Variants in AKAP12 observed in about 807,000 individuals in gnomAD.
AKAP12 encodes the protein A-kinase anchoring protein 12, also known as A-kinase anchor protein 12.
In AKAP12, 32 loss-of-function variants were observed where a neutral mutation model predicts 79.9. The observed-to-expected ratio is 0.40, with a 90% CI of 0.30 to 0.54. The LOEUF is 0.54. AKAP12 is among the 20% of genes least tolerant of loss of function. The pLI is 0.48. For missense variants in AKAP12, 2,074 were observed against 2,177.0 expected (o/e 0.95, Z 0.94); for synonymous variants, 808 against 857.0 (o/e 0.94, Z 1.00).
At chr6:151,355,458 A>T (rs770979213) in intron 4 of AKAP12, among the ~76,000 whole-genome samples, 17 of 152,084 alleles carry the variant, frequency 1.1e-4, no homozygotes, top group Non-Finnish European at 2.2e-4. Context: ...GCATGCCACC[A>T]TGCCCAGCTT....
intron 2 of AKAP12, among the ~76,000 whole-genome samples, chr6:151,245,102 TA>T (rs1370094819): frequency 1.3e-5 from 2 of 152,236 alleles, no homozygotes; most frequent in East Asian, 1.9e-4. Context: ...GTTTTGTTTT[TA>T]AAAATGCTAA....
intron 3 of AKAP12, 82 bp downstream of exon 3, chr6:151,305,985 G>A (rs2114756915): frequency 2.8e-6 from 4 of 1,414,728 alleles, no homozygotes; most frequent in African/African-American, 1.4e-5. Flanking sequence ...CTGTCATACT[G>A]CCTGGTGGTG....
At chr6:151,298,868 G>A (rs1478747349) in intron 2 of AKAP12, 1 of 151,978 alleles carries the variant, frequency 6.6e-6, no homozygotes, top group Non-Finnish European at 1.5e-5. Context: ...TAGCAGTGTA[G>A]GGTTGTATAC....
chr6:151,279,952 AC>A (rs1776365696), intron 2 of AKAP12, among the ~76,000 whole-genome samples: 1 of 152,128 alleles, frequency 6.6e-6, no homozygotes, highest in African/African-American at 2.4e-5. Flanking sequence ...TGCAAATGCC[AC>A]CATATAAGAA....
chr6:151,244,476 T>C (rs905865386), intron 2 of AKAP12, among the ~76,000 whole-genome samples: 9 of 152,118 alleles, frequency 5.9e-5, no homozygotes, highest in African/African-American at 2.2e-4. Context: ...ATGAGCCGAG[T>C]TGGCGCCACT....
At chr6:151,301,752 G>A (rs1776866670) in intron 2 of AKAP12, among the ~76,000 whole-genome samples, 1 of 152,160 alleles carries the variant, frequency 6.6e-6, no homozygotes, top group South Asian at 2.1e-4. Flanking sequence ...CGGGACGCAA[G>A]CTATTCACAT....
Position 151,352,332 on chromosome 6 carries a change from G to A in AKAP12, c.3941G>A (p.Cys1314Tyr), listed in dbSNP as rs1778316334. ...GGTGAAGGGACAGAAGAAGCTGAAT[G>A]TAAAAAGGATGATGCTCTTGAACTG... The part of the protein sequence containing the change: ...LKGEGTEEAE[C>Y]KKDDALELQS... Residue 1314 changes from cysteine (C) to tyrosine (Y), a missense_variant, in exon 4 of 5, where the codon TGT becomes TAT. Transcript: ENST00000402676. 3 of 1,614,184 alleles carry A rather than the reference G, an allele frequency of 1.9e-6. No homozygotes were observed. In the East Asian group the frequency reaches 6.7e-5, roughly 36 times the overall value.
chr6:151,289,577 C>G (rs1223169469), intron 2 of AKAP12, among the ~76,000 whole-genome samples: 1 of 152,038 alleles, frequency 6.6e-6, no homozygotes, highest in African/African-American at 2.4e-5. Flanking sequence ...CCCTTTTTTT[C>G]TCAGTAGAGT....
intron 2 of AKAP12, among the ~76,000 whole-genome samples, chr6:151,245,306 G>T (rs78232802): frequency 2.1e-5 from 3 of 142,288 alleles, no homozygotes; most frequent in African/African-American, 5.0e-5. Flanking sequence ...AAGCCAGTAC[G>T]TTTATCTCTT....
intron 3 of AKAP12, among the ~76,000 whole-genome samples, chr6:151,328,978 A>G (rs1430922682): frequency 6.6e-6 from 1 of 152,178 alleles, no homozygotes; most frequent in Non-Finnish European, 1.5e-5. Context: ...GCTTATTCAC[A>G]TTACATACTG....
At chr6:151,275,314 G>T (rs978504350) in intron 2 of AKAP12, among the ~76,000 whole-genome samples, 19 of 152,094 alleles carry the variant, frequency 1.2e-4, no homozygotes, top group African/African-American at 4.6e-4. Context: ...GCTGGGGCTT[G>T]ATGGTGTCCC....
At chr6:151,246,049 C>T (rs1317176405) in intron 2 of AKAP12, among the ~76,000 whole-genome samples, 2 of 152,160 alleles carry the variant, frequency 1.3e-5, no homozygotes, top group Non-Finnish European at 2.9e-5. Context: ...ACGATTTAAC[C>T]AATTCCTTGG....
Position 151,349,967 on chromosome 6 carries a change from A to G in AKAP12, c.1576A>G (p.Lys526Glu). 6.2e-7 allele frequency: 1 copy of G among 1,614,156 alleles called. No homozygotes were observed. Among genetic ancestry groups the G allele is most frequent in the Non-Finnish European group, 8.5e-7 (1 of 1,180,016 alleles). ...GAAGCTTTTTACCAGCACTGGCTTAAAAAAGCTTTCTGGAAAGAAACAGAA... is the reference window on the plus strand; with the variant it reads ...GAAGCTTTTTACCAGCACTGGCTTAGAAAAGCTTTCTGGAAAGAAACAGAA... ...LKKLFTSTGL[K>E]KLSGKKQKGK... The change falls in exon 4 of 5, where the codon AAA becomes GAA. Residue 526 changes from lysine (K) to glutamate (E), a missense_variant. Lys to Glu is a moderately conservative substitution (Grantham distance 56). Around this residue, in one of 3 missense-constraint regions of AKAP12, gnomAD observed 1,428 missense variants for 1,451.0 expected, o/e 0.98. Transcript: ENST00000402676.
At chr6:151,318,947 A>G (rs1562736213) in intron 3 of AKAP12, among the ~76,000 whole-genome samples, 1 of 152,188 alleles carries the variant, frequency 6.6e-6, no homozygotes. Context: ...CTAAGAAAAG[A>G]AAAGAAAAAT....
chr6:151,255,239 C>T lies in AKAP12; in HGVS notation c.162+14515C>T, dbSNP rs189015618. ...GGAGTGCAGTGGCACGATCTCGGCT[C>T]ACGGCAACCTCTGCCTCCCGGGTTC... On this transcript the variant is annotated intron_variant, in intron 2 of 4. Transcript: ENST00000402676. Among the ~76,000 whole-genome samples, 906 of 151,896 alleles carry T rather than the reference C, an allele frequency of 6.0e-3. 10 individuals carry two copies. Among genetic ancestry groups the T allele is most frequent in the African/African-American group, 0.021 (863 of 41,430 alleles).
rs200217741 is a variant in AKAP12, at chr6:151,351,667, A to G, written c.3276A>G (p.Val1092=). 9.9e-6 allele frequency: 16 copies of G among 1,614,196 alleles called. No homozygotes were observed. In the East Asian group the frequency reaches 2.5e-4, roughly 25 times the overall value. The change falls in exon 4 of 5, where the codon GTA becomes GTG. Residue 1092 remains valine, a synonymous_variant. Transcript: ENST00000402676. The surrounding 1 kb of genome is among the most constrained non-coding windows in gnomAD (Gnocchi z 4.4). The part of the protein sequence containing the change: ...EASGLKKETD[V]VLKVDAQEAK... ...CGGGTCTGAAGAAAGAGACGGATGT[A>G]GTGTTGAAAGTAGATGCTCAGGAGG... is the stretch of plus-strand genomic sequence containing the variant.
intron 3 of AKAP12, among the ~76,000 whole-genome samples, chr6:151,346,220 A>T (rs371659724): frequency 1.3e-5 from 2 of 152,262 alleles, no homozygotes; most frequent in African/African-American, 4.8e-5. Flanking sequence ...TTAACACAAT[A>T]CATCTCCCTC....
chr6:151,253,233 G>A (rs569438704), intron 2 of AKAP12, among the ~76,000 whole-genome samples: 76 of 152,146 alleles, frequency 5.0e-4, no homozygotes, highest in African/African-American at 1.7e-3. Context: ...GATTGTTGAT[G>A]CATTTCACAG....
chr6:151,304,707 G>C (rs1335751334), intron 2 of AKAP12, among the ~76,000 whole-genome samples: 14 of 151,566 alleles, frequency 9.2e-5, no homozygotes, highest in Non-Finnish European at 2.1e-4. Context: ...CTCCCAGGTA[G>C]CTGGGACTAC....
Sources: gnomAD v4.1 joint callset for allele counts (sites outside exome capture counted in the v4.1 genomes callset) on GRCh38, gnomAD v4.1.1 for gene constraint, gnomAD v4.1.1 regional missense constraint, Gnocchi (gnomAD v3.1) non-coding constraint, MANE v1.5 for transcripts, NCBI Gene and HGNC (gene_info 2026-07-23, HGNC 2026-07-21) for gene names.